Variants in CTNNA1 observed in about 807,000 individuals in gnomAD.
The protein encoded by CTNNA1 is catenin alpha-1.
A neutral mutation model predicts 98.4 loss-of-function variants in CTNNA1; 37 were observed. That is an observed-to-expected ratio of 0.38 (90% CI 0.29 to 0.49). The LOEUF (loss-of-function observed/expected upper bound fraction) is 0.49, where lower values mean the gene tolerates loss of function less well. CTNNA1 is among the 20% of genes least tolerant of loss of function. The pLI is 0.95. For missense variants in CTNNA1, 761 were observed against 1,147.2 expected, an observed-to-expected ratio of 0.66 and a Z score of 4.86; for synonymous variants, 404 against 413.2, an observed-to-expected ratio of 0.98 and a Z score of 0.27.
intron 5 of CTNNA1, among the ~76,000 whole-genome samples, chr5:138,823,759 C>T (rs1760299762): frequency 6.6e-6 from 1 of 151,628 alleles, no homozygotes; most frequent in Non-Finnish European, 1.5e-5. Context: ...AGATCGAGGC[C>T]ATCCCGGCTA....
rs373256362 is a variant in CTNNA1, at chr5:138,796,566, G to GTGT, written c.301+13194_301+13195insTGT. Among the ~76,000 whole-genome samples the GTGT allele has an allele frequency of 8.1e-5, 12 of 147,350 alleles. 1 individual carries two copies. In the East Asian group the frequency reaches 1.4e-3, roughly 17 times the overall value. On this transcript the variant is annotated intron_variant, in intron 3 of 17. Transcript: ENST00000302763. The stretch of plus-strand genomic sequence containing the variant: ...CTCAAAAAAAAAAAAAAAAGTAGTA[G>GTGT]GTATCTGAGAAGAAATAAAAGGTTT...
At chr5:138,774,274 C>G (rs997145872) in intron 1 of CTNNA1, among the ~76,000 whole-genome samples, 1 of 152,094 alleles carries the variant, frequency 6.6e-6, no homozygotes, top group African/African-American at 2.4e-5. Context: ...ATTTTCCCAT[C>G]GTGGCCTCCC....
At position 138,918,229 on chromosome 5, in the gene CTNNA1, A is replaced by G. The variant is rs28363465; in HGVS notation, c.1546+331A>G. On this transcript the variant is annotated intron_variant, in intron 11 of 17. Transcript: ENST00000302763. ...TTTCAACTGGGACCGGTAGAACACCAGGACCATCCATCCCTCTTGCTGCCA... is the reference window on the plus strand; with the variant it reads ...TTTCAACTGGGACCGGTAGAACACCGGGACCATCCATCCCTCTTGCTGCCA... Among the ~76,000 whole-genome samples the G allele has an allele frequency of 3.1e-3, 475 of 152,220 alleles. 2 individuals carry two copies. The highest frequency in any genetic ancestry group is 0.011 in the African/African-American group (444 of 41,528).
rs554397978 is a variant in CTNNA1, at chr5:138,777,870, G to A, written c.-2-4053G>A. Among the ~76,000 whole-genome samples the A allele has an allele frequency of 1.1e-3, 143 of 124,990 alleles. 1 individual carries two copies. Among genetic ancestry groups the A allele is most frequent in the African/African-American group, 3.8e-3 (124 of 32,938 alleles). The allele number at this position is 124,990 out of a possible 152,430, so 82.0% of individuals were successfully genotyped here. ...GTGGAAAGAGAGGGAGAGGGAGACC[G>A]TGGGGAGAGGGAGAGGGAGAGGAGG... is the stretch of plus-strand genomic sequence containing the variant. On this transcript the variant is annotated intron_variant, in intron 1 of 17. Transcript: ENST00000302763.
At chr5:138,825,481 A>AGTTTTTTTTTTTTTT (rs1760577716) in intron 6 of CTNNA1, among the ~76,000 whole-genome samples, 3 of 21,350 alleles carry the variant, frequency 1.4e-4, no homozygotes, top group African/African-American at 7.0e-4. Flanking sequence ...CAGCAGTATA[A>AGTTTTTTTTTTTTTT]GTTTTTTTTT....
chr5:138,927,366 C>T (rs888621744), intron 13 of CTNNA1, among the ~76,000 whole-genome samples: 3 of 152,204 alleles, frequency 2.0e-5, no homozygotes, highest in African/African-American at 7.2e-5. Flanking sequence ...CCAGGCAAGC[C>T]GGTGACATGG....
chr5:138,858,700 A>G lies in CTNNA1; in HGVS notation c.1063-27512A>G, dbSNP rs143752922. On this transcript the variant is annotated intron_variant, in intron 7 of 17. Transcript: ENST00000302763. ...AACCTCCGCCTCCCGCATTCAAGCA[A>G]TTCTCCTGTCTCAGCCTCCCAAGTA... Among the ~76,000 whole-genome samples the G allele has an allele frequency of 5.0e-3, 754 of 150,168 alleles. 8 individuals carry two copies. Among genetic ancestry groups the G allele is most frequent in the East Asian group, 0.043 (215 of 5,024 alleles).
chr5:138,895,313 G>T (rs1171228984), intron 9 of CTNNA1, among the ~76,000 whole-genome samples: 1 of 152,148 alleles, frequency 6.6e-6, no homozygotes, highest in Non-Finnish European at 1.5e-5. Context: ...GATCGTCCTT[G>T]TTAGTGGACT....
At chr5:138,925,952 A>G (rs993261371) in intron 13 of CTNNA1, among the ~76,000 whole-genome samples, 14 of 152,104 alleles carry the variant, frequency 9.2e-5, no homozygotes, top group African/African-American at 2.9e-4. Flanking sequence ...AGGGGCCTCT[A>G]TGGCATCTGT....
intron 5 of CTNNA1, among the ~76,000 whole-genome samples, chr5:138,815,644 A>G (rs1759358656): frequency 6.6e-6 from 1 of 152,184 alleles, no homozygotes; most frequent in African/African-American, 2.4e-5. Context: ...ATGATAGTAT[A>G]GTCTCTAAAC....
chr5:138,863,131 C>T (rs1394106845), intron 7 of CTNNA1, among the ~76,000 whole-genome samples: 2 of 151,322 alleles, frequency 1.3e-5, no homozygotes, highest in Non-Finnish European at 2.9e-5. Context: ...TTAACTTGCC[C>T]CTGTTGAAAA....
intron 7 of CTNNA1, among the ~76,000 whole-genome samples, chr5:138,876,015 G>A (rs977837863): frequency 1.3e-5 from 2 of 152,046 alleles, no homozygotes; most frequent in Non-Finnish European, 2.9e-5. Context: ...ATGTTTTGTC[G>A]CCATACTGAT....
At chr5:138,788,830 CTAGAACA>C (rs1756007693) in intron 3 of CTNNA1, among the ~76,000 whole-genome samples, 2 of 152,124 alleles carry the variant, frequency 1.3e-5, no homozygotes, top group Non-Finnish European at 2.9e-5. Context: ...CAGCTTCTTA[CTAGAACA>C]GTGTTTTATA....
At chr5:138,862,178 G>A (rs1006697333) in intron 7 of CTNNA1, among the ~76,000 whole-genome samples, 5 of 152,080 alleles carry the variant, frequency 3.3e-5, no homozygotes, top group African/African-American at 7.2e-5. Flanking sequence ...CAGCTATCAC[G>A]AAACATACCC....
intron 12 of CTNNA1, 123 bp from the exon 13 acceptor site, chr5:138,925,133 C>G (rs1456310309): frequency 2.0e-6 from 2 of 1,017,198 alleles, no homozygotes; most frequent in African/African-American, 1.6e-5. Flanking sequence ...ACCCTTCACA[C>G]AGGTAGAAGC....
At position 138,934,222 on chromosome 5, in the gene CTNNA1, G is replaced by C. The variant is rs982844556; in HGVS notation, c.*133G>C. 1 of 658,474 alleles carries C rather than the reference G, an allele frequency of 1.5e-6. No individual in the cohort carries two copies. The highest frequency in any genetic ancestry group is 2.5e-6 in the Non-Finnish European group (1 of 395,240). 40.8% of individuals were successfully genotyped at this position (658,474 alleles called of 1,614,324 possible). A position where few individuals can be genotyped will look rare whatever the true frequency, so the allele number is the denominator to read the frequency against. On this transcript the variant is annotated 3_prime_UTR_variant, in exon 18 of 18. Coordinates refer to ENST00000302763, the MANE Select transcript of CTNNA1 (RefSeq NM_001903.5). ...GAAATGGGCAGACTGAACCAGTCCA[G>C]GTGGTGAATTTTCCAAGAACATAGT...
chr5:138,895,507 G>T (rs949516615), intron 9 of CTNNA1, among the ~76,000 whole-genome samples: 9 of 151,686 alleles, frequency 5.9e-5, no homozygotes, highest in Admixed American at 2.0e-4. Context: ...GTTTTTTGGG[G>T]GGGGGGATGG....
chr5:138,836,866 C>T (rs748832113), intron 7 of CTNNA1, among the ~76,000 whole-genome samples: 2 of 152,044 alleles, frequency 1.3e-5, no homozygotes, highest in Admixed American at 6.5e-5. Context: ...GCTGGTGGGG[C>T]GATGGGCACT....
In CTNNA1 at chr5:138,904,372, C is replaced by T. The variant is rs1758711869; in HGVS notation, c.1320C>T (p.Ile440=). The T allele has an allele frequency of 6.2e-7, 1 of 1,613,828 alleles. No individual in the cohort carries two copies. Among genetic ancestry groups the T allele is most frequent in the Non-Finnish European group, 8.5e-7 (1 of 1,179,918 alleles). The change falls in exon 10 of 18, where the codon ATC becomes ATT. Residue 440 remains isoleucine (I), a synonymous_variant. Transcript: ENST00000302763. ...LIEVANLACS[I]SNNEEGVKLV... is the part of the protein sequence containing the mutation. ...AGGTTGCCAACTTGGCCTGTTCCAT[C>T]TCAAATAATGAAGAAGGTGTAAAGC... is the stretch of plus-strand genomic sequence containing the variant.
Sources: allele counts gnomAD v4.1 joint callset (sites outside exome capture counted in the v4.1 genomes callset), GRCh38; gene constraint gnomAD v4.1.1; transcripts MANE v1.5; gene names NCBI Gene and HGNC (gene_info 2026-07-23, HGNC 2026-07-21).